The following RBFOX1 variants were observed in gnomAD, a reference collection of about 807,000 sequenced individuals.
RBFOX1 encodes RNA binding protein fox-1 homolog 1.
RBFOX1 carries 8 observed loss-of-function variants against 57.7 expected under a neutral mutation model. The observed-to-expected ratio is 0.14, with a 90% confidence interval of 0.08 to 0.25. The LOEUF (loss-of-function observed/expected upper bound fraction) is 0.25. Ranked by LOEUF, RBFOX1 falls within the 10% of genes least tolerant of loss-of-function variation. The pLI, the probability that RBFOX1 is intolerant of heterozygous loss-of-function variation, is 1.00. For synonymous variants in RBFOX1, 326 were observed against 222.4 expected (o/e 1.47, Z -4.15); for missense variants, 611 against 548.5 (o/e 1.11, Z -1.14).
chr16:6,454,052 TTCTGTG>T (rs1425788991), intron 2 of RBFOX1, among the ~76,000 whole-genome samples: 1 of 152,330 alleles, frequency 6.6e-6, no homozygotes, highest in Non-Finnish European at 1.5e-5. Context: ...CACATGGTCT[TTCTGTG>T]TCTGTGTCTT....
chr16:6,232,884 C>G (rs948166315), intron 1 of RBFOX1, among the ~76,000 whole-genome samples: 1 of 152,118 alleles, frequency 6.6e-6, no homozygotes, highest in African/African-American at 2.4e-5. Flanking sequence ...ATGTAGCATC[C>G]ACATGTCCAG....
intron 3 of RBFOX1, among the ~76,000 whole-genome samples, chr16:7,016,550 G>A (rs1025746221): frequency 1.1e-4 from 17 of 152,086 alleles, no homozygotes; most frequent in Admixed American, 7.2e-4. Context: ...TGCACACAGC[G>A]TTTTGCATAT....
At chr16:5,786,507 A>G (rs2054504723) in intron 3 of RBFOX1, among the ~76,000 whole-genome samples, 1 of 152,170 alleles carries the variant, frequency 6.6e-6, no homozygotes, top group African/African-American at 2.4e-5. Context: ...GCCGTGTGTC[A>G]GGGTGTGTTT....
chr16:5,739,047 C>A (rs1008980397), intron 3 of RBFOX1, among the ~76,000 whole-genome samples: 1 of 152,192 alleles, frequency 6.6e-6, no homozygotes, highest in Non-Finnish European at 1.5e-5. Flanking sequence ...CTCTTTTTTG[C>A]TGTTGTCTTG....
chr16:6,613,512 A>G (rs931417929), intron 2 of RBFOX1, among the ~76,000 whole-genome samples: 1 of 152,138 alleles, frequency 6.6e-6, no homozygotes, highest in Non-Finnish European at 1.5e-5. Flanking sequence ...CATCACTTAC[A>G]TGCAAGGACA....
At chr16:5,448,690 G>A (rs893274125) in intron 1 of RBFOX1, among the ~76,000 whole-genome samples, 5 of 152,166 alleles carry the variant, frequency 3.3e-5, no homozygotes, top group African/African-American at 1.2e-4. Flanking sequence ...AGAGCTCAAT[G>A]TGAGATACAC....
chr16:7,458,764 C>T (rs571107626), intron 4 of RBFOX1, among the ~76,000 whole-genome samples: 19 of 152,146 alleles, frequency 1.2e-4, no homozygotes, highest in Non-Finnish European at 2.2e-4. Flanking sequence ...CTTGACTCCT[C>T]CATTAAAATC....
intron 4 of RBFOX1, among the ~76,000 whole-genome samples, chr16:5,954,782 C>T (rs1022350859): frequency 2.0e-5 from 3 of 152,138 alleles, no homozygotes; most frequent in African/African-American, 7.2e-5. Flanking sequence ...ATGCTTCCTT[C>T]CTCCCCTTCC....
chr16:7,336,517 C>T lies in RBFOX1; in HGVS notation c.28-181630C>T, dbSNP rs907158374. Among the ~76,000 whole-genome samples the T allele has an allele frequency of 2.8e-4, 42 of 152,212 alleles. 1 individual carries two copies. The highest frequency in any genetic ancestry group is 8.2e-4 in the African/African-American group (34 of 41,438). ...GCATTTGTTCCTTCAGTTATCCATTCACTGTATACTCAACCTATAACAAAA... is the reference window on the plus strand; with the variant it reads ...GCATTTGTTCCTTCAGTTATCCATTTACTGTATACTCAACCTATAACAAAA... On this transcript the variant is annotated intron_variant, in intron 4 of 15. Coordinates refer to ENST00000550418, the MANE Select transcript of RBFOX1 (RefSeq NM_018723.4).
chr16:7,706,646 C>G (rs1410414838), intron 14 of RBFOX1, among the ~76,000 whole-genome samples: 1 of 152,202 alleles, frequency 6.6e-6, no homozygotes, highest in Non-Finnish European at 1.5e-5. Context: ...CATAACATCA[C>G]TTAACAAACT....
chr16:5,467,445 C>G (rs1405575069), intron 2 of RBFOX1, among the ~76,000 whole-genome samples: 3 of 152,166 alleles, frequency 2.0e-5, no homozygotes, highest in Admixed American at 6.5e-5. Context: ...TGAGATCAAA[C>G]ATACTTAGCA....
At chr16:6,398,170 C>T (rs1301996617) in intron 2 of RBFOX1, among the ~76,000 whole-genome samples, 1 of 152,092 alleles carries the variant, frequency 6.6e-6, no homozygotes, top group Non-Finnish European at 1.5e-5. Context: ...TGAGAACTCA[C>T]CATCATGAGA....
chr16:7,256,118 A>G (rs2094670232), intron 4 of RBFOX1, among the ~76,000 whole-genome samples: 1 of 152,234 alleles, frequency 6.6e-6, no homozygotes, highest in South Asian at 2.1e-4. Context: ...GTGAGCTTCT[A>G]AAATGCACTG....
At chr16:6,686,277 G>A (rs1178757122) in intron 3 of RBFOX1, among the ~76,000 whole-genome samples, 8 of 152,146 alleles carry the variant, frequency 5.3e-5, no homozygotes, top group Non-Finnish European at 1.2e-4. Context: ...CATAGCAATC[G>A]AAGGCGTCTT....
chr16:6,158,693 T>C (rs2096855954), intron 1 of RBFOX1, among the ~76,000 whole-genome samples: 3 of 152,148 alleles, frequency 2.0e-5, no homozygotes, highest in Admixed American at 1.3e-4. Context: ...CTTGGAGAGC[T>C]TACCTGAAGA....
chr16:6,209,006 C>T (rs939438696), intron 1 of RBFOX1, among the ~76,000 whole-genome samples: 3 of 151,926 alleles, frequency 2.0e-5, no homozygotes, highest in Non-Finnish European at 2.9e-5. Flanking sequence ...TGCTTTTTGT[C>T]CTGTATCTTA....
intron 2 of RBFOX1, among the ~76,000 whole-genome samples, chr16:6,515,830 C>G (rs550961317): frequency 1.3e-5 from 2 of 152,216 alleles, no homozygotes; most frequent in East Asian, 1.9e-4. Context: ...CTCACCCACC[C>G]TAATGGCCTC....
At chr16:7,654,450 A>G (rs1005077885) in intron 12 of RBFOX1, among the ~76,000 whole-genome samples, 3 of 152,194 alleles carry the variant, frequency 2.0e-5, no homozygotes, top group Non-Finnish European at 2.9e-5. Context: ...ACATGCAAAC[A>G]TACAAGAATT....
At chr16:6,394,208 C>T (rs1226983903) in intron 2 of RBFOX1, among the ~76,000 whole-genome samples, 15 of 152,102 alleles carry the variant, frequency 9.9e-5, no homozygotes, top group Admixed American at 9.8e-4. Context: ...TATTGTTTGA[C>T]CTTGAGCAAT....
Sources: allele counts gnomAD v4.1 joint callset (sites outside exome capture counted in the v4.1 genomes callset), GRCh38; gene constraint gnomAD v4.1.1; transcripts MANE v1.5; gene names NCBI Gene and HGNC (gene_info 2026-07-23, HGNC 2026-07-21).